Variants in ZNF599 observed in about 807,000 individuals in gnomAD.
ZNF599 encodes zinc finger protein 599.
Under a neutral mutation model 11.7 loss-of-function variants are expected in ZNF599, and 10 were observed. The observed-to-expected ratio is 0.86, with a 90% CI of 0.53 to 1.45. ZNF599 has a LOEUF of 1.45. ZNF599 is among the 40% of genes most tolerant of loss of function. The pLI is 0.00. For synonymous variants in ZNF599, 232 were observed against 253.2 expected (o/e 0.92, Z 0.79); for missense variants, 688 against 713.6 (o/e 0.96, Z 0.41).
the ZNF599 span, among the ~76,000 whole-genome samples, chr19:34,781,072 C>T: frequency 3.7e-4 from 57 of 152,118 alleles, no homozygotes; most frequent in African/African-American, 9.2e-4. Context: ...AGGAGAATGG[C>T]GTGAACCCGG....
chr19:34,790,135 G>T, the ZNF599 span, among the ~76,000 whole-genome samples: 1 of 152,144 alleles, frequency 6.6e-6, no homozygotes, highest in Non-Finnish European at 1.5e-5. Context: ...TGTTTTCAGT[G>T]CCTTTGTTAA....
At chr19:34,768,104 C>T (rs541005942) in intron 2 of ZNF599, among the ~76,000 whole-genome samples, 2 of 152,316 alleles carry the variant, frequency 1.3e-5, no homozygotes, top group South Asian at 4.1e-4. Context: ...TCCTGGCACG[C>T]ATCCAGCTGT....
chr19:34,758,848 G>A lies in ZNF599; in HGVS notation c.*186C>T, dbSNP rs1055872569. The A allele has an allele frequency of 1.7e-6, 1 of 603,798 alleles. No homozygotes were observed. Among genetic ancestry groups the A allele is most frequent in the African/African-American group, 1.9e-5 (1 of 54,044 alleles). The allele number at this position is 603,798 out of a possible 1,614,324, so 37.4% of individuals were successfully genotyped here. A position where few individuals can be genotyped will look rare whatever the true frequency, so the allele number is the denominator to read the frequency against. On this transcript the variant is annotated 3_prime_UTR_variant, in exon 4 of 4. Transcript: ENST00000329285. Reference sequence around the variant, plus strand: ...TTTAATATAATTCTTTGGATGACAAGTGATTACCTGCCATAAAAAGATTTC... The same window carrying A: ...TTTAATATAATTCTTTGGATGACAAATGATTACCTGCCATAAAAAGATTTC...
rs889492718 is a variant in ZNF599, at chr19:34,773,086, G to A, written c.-245C>T. ...TCGCGGCTGACATAAAAGCGTGTAA[G>A]TGGGTCCTATCCTCCTCACTGTCCG... is the stretch of plus-strand genomic sequence containing the variant. On this transcript the variant is annotated 5_prime_UTR_variant, in exon 1 of 4. Transcript: ENST00000329285. 2.1e-5 allele frequency: 11 copies of A among 524,172 alleles called. No homozygotes were observed. The highest frequency in any genetic ancestry group is 3.6e-5 in the Non-Finnish European group (11 of 301,470). The allele number at this position is 524,172 out of a possible 1,614,324, so 32.5% of individuals were successfully genotyped here. A position where few individuals can be genotyped will look rare whatever the true frequency, so the allele number is the denominator to read the frequency against.
chr19:34,783,456 G>C, the ZNF599 span, among the ~76,000 whole-genome samples: 5 of 152,136 alleles, frequency 3.3e-5, no homozygotes, highest in African/African-American at 1.2e-4. Flanking sequence ...CCTGGCCCTG[G>C]AGTGATTTAG....
chr19:34,774,400 C>CCCA (rs2069206555), upstream of ZNF599, among the ~76,000 whole-genome samples: 1 of 152,206 alleles, frequency 6.6e-6, no homozygotes, highest in South Asian at 2.1e-4. Context: ...ACACTTTCAG[C>CCCA]CCACCACCCA....
the ZNF599 span, among the ~76,000 whole-genome samples, chr19:34,786,383 C>T: frequency 1.3e-5 from 2 of 152,190 alleles, no homozygotes; most frequent in African/African-American, 4.8e-5. Context: ...GAACACCCCG[C>T]TGCAGTGGTC....
At chr19:34,770,625 C>T (rs140500368) in intron 1 of ZNF599, among the ~76,000 whole-genome samples, 63 of 152,328 alleles carry the variant, frequency 4.1e-4, no homozygotes, top group African/African-American at 1.5e-3. Flanking sequence ...CCACGGTTAG[C>T]ACATTTCCCT....
At chr19:34,775,246 C>T (rs975912672), upstream of ZNF599, among the ~76,000 whole-genome samples, 3 of 152,204 alleles carry the variant, frequency 2.0e-5, no homozygotes, top group African/African-American at 7.2e-5. Flanking sequence ...CAAGAACAAC[C>T]TAACACATTT....
the ZNF599 span, among the ~76,000 whole-genome samples, chr19:34,802,363 C>T: frequency 3.9e-5 from 6 of 152,198 alleles, no homozygotes; most frequent in Admixed American, 2.6e-4. Context: ...ACAACTCCCT[C>T]CTCTGCCAAT....
chr19:34,770,034 A>C (rs896777838), intron 1 of ZNF599, among the ~76,000 whole-genome samples: 3 of 152,180 alleles, frequency 2.0e-5, no homozygotes, highest in African/African-American at 7.2e-5. Flanking sequence ...GAAGTCTCTT[A>C]ATTTCTTGGA....
chr19:34,770,980 T>C (rs924662884), intron 1 of ZNF599, among the ~76,000 whole-genome samples: 13 of 152,114 alleles, frequency 8.5e-5, no homozygotes, highest in Non-Finnish European at 1.5e-5. Context: ...GAAATATTGG[T>C]TAAAAATGTA....
the ZNF599 span, among the ~76,000 whole-genome samples, chr19:34,791,437 AAAAG>A: frequency 6.6e-6 from 1 of 151,206 alleles, no homozygotes; most frequent in Admixed American, 6.6e-5. Flanking sequence ...TTGAATGAGG[AAAAG>A]AAAAAGACAA....
the ZNF599 span, among the ~76,000 whole-genome samples, chr19:34,807,182 C>T: frequency 6.6e-6 from 1 of 152,216 alleles, no homozygotes; most frequent in Non-Finnish European, 1.5e-5. Context: ...GGCTTCATCA[C>T]CCATGAGCTC....
the ZNF599 span, among the ~76,000 whole-genome samples, chr19:34,792,994 A>G: frequency 6.6e-6 from 1 of 152,160 alleles, no homozygotes; most frequent in African/African-American, 2.4e-5. Flanking sequence ...AGCCAATCCA[A>G]TGTATGGGGA....
the ZNF599 span, among the ~76,000 whole-genome samples, chr19:34,793,783 G>A: frequency 1.5e-3 from 232 of 152,314 alleles, no homozygotes; most frequent in African/African-American, 5.1e-3. Context: ...AGAAGCCCTC[G>A]TGGATTGCTG....
the ZNF599 span, among the ~76,000 whole-genome samples, chr19:34,789,203 A>G: frequency 6.6e-6 from 1 of 152,140 alleles, no homozygotes; most frequent in Admixed American, 6.5e-5. Flanking sequence ...CACTTAACAC[A>G]GTGTCCTCTA....
In ZNF599 at chr19:34,759,167, C is replaced by T; in HGVS notation, c.1634G>A (p.Cys545Tyr). The change falls in exon 4 of 4, where the codon TGT (cysteine) becomes TAT (tyrosine). Residue 545 changes from cysteine to tyrosine, a missense_variant. By Grantham distance (194) the Cys-to-Tyr change is radical. Transcript: ENST00000329285. ...GTGCTGAGTTAAAGCAAAGTTGTCA[C>T]AGAAGGCTTTCTCACATTCTTTGCA... ...FECKECEKAF[C>Y]DNFALTQHMR... The T allele has an allele frequency of 6.2e-7, 1 of 1,614,114 alleles. No homozygotes were observed. The highest frequency in any genetic ancestry group is 8.5e-7 in the Non-Finnish European group (1 of 1,180,030).
chr19:34,779,451 A>G, the ZNF599 span: 16 of 455,912 alleles, frequency 3.5e-5, 1 homozygote, highest in South Asian at 2.3e-4. Context: ...ATCAGAGTGA[A>G]CTCTCTGATG....
Sources: allele counts gnomAD v4.1 joint callset (sites outside exome capture counted in the v4.1 genomes callset), GRCh38; gene constraint gnomAD v4.1.1; transcripts MANE v1.5; gene names NCBI Gene and HGNC (gene_info 2026-07-23, HGNC 2026-07-21).